Variants in ZNF280D observed in about 807,000 individuals in gnomAD.
ZNF280D encodes the protein zinc finger protein 280D, also known as suppressor of hairy wing homolog 4.
Under a neutral mutation model 94.7 loss-of-function variants are expected in ZNF280D, and 39 were observed. The ratio of observed to expected loss-of-function variants is 0.41; its 90% confidence interval spans 0.32 to 0.54. The LOEUF (loss-of-function observed/expected upper bound fraction) is 0.54, where lower values mean the gene tolerates loss of function less well. Among genes scored for constraint, ZNF280D ranks in the 20% least tolerant of loss-of-function variants. The pLI, the probability that ZNF280D is intolerant of heterozygous loss-of-function variation, is 0.22. For synonymous variants in ZNF280D, 398 were observed against 377.6 expected (o/e 1.05, Z -0.63); for missense variants, 1,090 against 1,149.3 (o/e 0.95, Z 0.75).
chr15:56,681,667 G>A (rs1280795215), intron 10 of ZNF280D, among the ~76,000 whole-genome samples: 1 of 152,066 alleles, frequency 6.6e-6, no homozygotes, highest in African/African-American at 2.4e-5. Context: ...GAACGATTAT[G>A]AAGTACAAAT....
intron 9 of ZNF280D, among the ~76,000 whole-genome samples, chr15:56,685,456 A>T (rs2055938101): frequency 6.6e-6 from 1 of 152,228 alleles, no homozygotes; most frequent in Non-Finnish European, 1.5e-5. Context: ...GACAAAGAGT[A>T]CAAGGTGAAG....
intron 16 of ZNF280D, among the ~76,000 whole-genome samples, chr15:56,663,288 A>G (rs1005787738): frequency 3.6e-4 from 54 of 150,496 alleles, no homozygotes; most frequent in African/African-American, 1.3e-3. Flanking sequence ...TCTCAAAAAA[A>G]AAAAAAAAAA....
rs528846575 is a variant in ZNF280D, at chr15:56,659,566, G to GT, written c.1995-1081dup. On this transcript the variant is annotated intron_variant, in intron 16 of 21. Coordinates refer to ENST00000267807, the MANE Select transcript of ZNF280D (RefSeq NM_017661.4). ...TATAAATAAACCTTTATTATACATA[G>GT]TATGTATAGGAAAAAAAAAGTATAG... Among the ~76,000 whole-genome samples the GT allele has an allele frequency of 1.2e-3, 188 of 151,750 alleles. 1 individual carries two copies. The highest frequency in any genetic ancestry group is 4.3e-3 in the African/African-American group (179 of 41,338).
intron 1 of ZNF280D, among the ~76,000 whole-genome samples, chr15:56,732,064 G>C (rs1394077743): frequency 6.6e-6 from 1 of 152,154 alleles, no homozygotes; most frequent in Non-Finnish European, 1.5e-5. Flanking sequence ...AAATCTTTAA[G>C]TGAGCCTCCT....
At chr15:56,696,606 T>A (rs1015346497) in intron 6 of ZNF280D, among the ~76,000 whole-genome samples, 20 of 152,158 alleles carry the variant, frequency 1.3e-4, no homozygotes, top group Non-Finnish European at 2.9e-5. Context: ...AGATACCACA[T>A]TCCATGAAAA....
At chr15:56,686,250 C>T (rs983067345) in intron 9 of ZNF280D, among the ~76,000 whole-genome samples, 1 of 152,124 alleles carries the variant, frequency 6.6e-6, no homozygotes, top group Non-Finnish European at 1.5e-5. Flanking sequence ...GCGATTCTCT[C>T]GCCTCAGCCT....
intron 19 of ZNF280D, chr15:56,653,898 A>G (rs1179607723): frequency 7.9e-7 from 1 of 1,260,466 alleles, no homozygotes; most frequent in Non-Finnish European, 1.0e-6. Flanking sequence ...ATAAGAATCT[A>G]GTCCCATTTG....
At chr15:56,676,263 C>G (rs1381792327) in intron 13 of ZNF280D, among the ~76,000 whole-genome samples, 1 of 151,904 alleles carries the variant, frequency 6.6e-6, no homozygotes, top group African/African-American at 2.4e-5. Context: ...AAGAGCAAAA[C>G]GAAAAATAAG....
At chr15:56,720,489 G>T (rs1184193347) in intron 1 of ZNF280D, among the ~76,000 whole-genome samples, 1 of 152,040 alleles carries the variant, frequency 6.6e-6, no homozygotes. Flanking sequence ...TTCTGTTAAT[G>T]TTGATATTTT....
At chr15:56,658,398 A>T in intron 17 of ZNF280D, 26 bp downstream of exon 17, 2 of 1,552,662 alleles carry the variant, frequency 1.3e-6, no homozygotes, top group Non-Finnish European at 1.7e-6. Flanking sequence ...TTCAATAGAA[A>T]GAGTAAAAAA....
In ZNF280D at chr15:56,713,836, T is replaced by C. The variant is rs769670224; in HGVS notation, c.-85-6530A>G. 1.4e-3 allele frequency among the ~76,000 whole-genome samples: 214 copies of C among 152,128 alleles called. 5 individuals carry two copies. Among genetic ancestry groups the C allele is most frequent in the Non-Finnish European group, 5.3e-4 (36 of 67,998 alleles). ...TACTATCCATTGCCTGTTGATTCCA[T>C]TATGGAAAATTGGAAATTACTGTAA... On this transcript the variant is annotated intron_variant, in intron 1 of 21. Transcript: ENST00000267807.
chr15:56,701,309 G>A, intron 4 of ZNF280D, 71 bp from the exon 5 acceptor site: 2 of 1,095,068 alleles, frequency 1.8e-6, no homozygotes, highest in Non-Finnish European at 2.6e-6. Context: ...TAGAAATCAT[G>A]AATTGAAAAC....
intron 13 of ZNF280D, among the ~76,000 whole-genome samples, chr15:56,669,703 C>G (rs1306972579): frequency 6.9e-6 from 1 of 144,700 alleles, no homozygotes; most frequent in Non-Finnish European, 1.5e-5. Flanking sequence ...AGTCCCTCCT[C>G]AAACCCAGTC....
At chr15:56,674,971 G>C (rs181161439) in intron 13 of ZNF280D, among the ~76,000 whole-genome samples, 33 of 152,034 alleles carry the variant, frequency 2.2e-4, no homozygotes, top group Admixed American at 1.0e-3. Context: ...TCAACTACAA[G>C]TTTATAATCC....
At chr15:56,707,020 T>C in intron 3 of ZNF280D, 62 bp downstream of exon 3, 1 of 1,517,574 alleles carries the variant, frequency 6.6e-7, no homozygotes, top group East Asian at 2.3e-5. Flanking sequence ...TCATCCTTTC[T>C]CCTGAGGTAA....
chr15:56,695,930 T>C (rs1482675038), intron 6 of ZNF280D, among the ~76,000 whole-genome samples: 1 of 152,190 alleles, frequency 6.6e-6, no homozygotes, highest in Non-Finnish European at 1.5e-5. Context: ...TCTTCTCACT[T>C]TTCTAAACTC....
chr15:56,654,356 T>C, intron 18 of ZNF280D, 29 bp downstream of exon 18: 2 of 1,596,096 alleles, frequency 1.3e-6, no homozygotes, highest in Non-Finnish European at 1.7e-6. Context: ...AAGTCAAAAA[T>C]CTAAAGTAGC....
At chr15:56,702,672 C>T (rs1370165243) in intron 4 of ZNF280D, among the ~76,000 whole-genome samples, 2 of 152,116 alleles carry the variant, frequency 1.3e-5, no homozygotes, top group Non-Finnish European at 2.9e-5. Context: ...CTATCACCGA[C>T]GATGCCATCA....
At chr15:56,638,274 A>G (rs1478864526) in intron 20 of ZNF280D, among the ~76,000 whole-genome samples, 1 of 152,200 alleles carries the variant, frequency 6.6e-6, no homozygotes, top group African/African-American at 2.4e-5. Flanking sequence ...TTAAGGGGCC[A>G]ATAAGTTCCA....
Sources: allele counts gnomAD v4.1 joint callset (sites outside exome capture counted in the v4.1 genomes callset), GRCh38; gene constraint gnomAD v4.1.1; transcripts MANE v1.5; gene names NCBI Gene and HGNC (gene_info 2026-07-23, HGNC 2026-07-21).